UVRAG: variants seen among roughly 807,000 people sequenced by gnomAD.
The protein encoded by UVRAG is UV radiation resistance-associated gene protein.
UVRAG carries 19 observed loss-of-function variants against 78.0 expected under a neutral mutation model. That is an observed-to-expected ratio of 0.24 (90% CI 0.17 to 0.36). UVRAG has a LOEUF of 0.36. UVRAG is among the 10% of genes least tolerant of loss of function. The pLI is 1.00. For missense variants in UVRAG, 740 were observed against 853.8 expected, an observed-to-expected ratio of 0.87 and a Z score of 1.66; for synonymous variants, 323 against 324.6, an observed-to-expected ratio of 1.00 and a Z score of 0.05.
intron 8 of UVRAG, among the ~76,000 whole-genome samples, chr11:76,000,495 C>A (rs1338230835): frequency 2.6e-5 from 4 of 151,910 alleles, no homozygotes; most frequent in African/African-American, 9.7e-5. Flanking sequence ...GTAGTCCTAG[C>A]TACTTGGGAG....
At chr11:75,910,170 A>T (rs73491800) in intron 5 of UVRAG, among the ~76,000 whole-genome samples, 4,880 of 152,334 alleles carry the variant, frequency 0.032, 265 homozygotes, top group African/African-American at 0.11. Flanking sequence ...AGTTATTAGC[A>T]TAAAGTTGTT....
intron 7 of UVRAG, among the ~76,000 whole-genome samples, chr11:75,980,956 C>G (rs1027922371): frequency 6.6e-6 from 1 of 152,116 alleles, no homozygotes; most frequent in African/African-American, 2.4e-5. Context: ...GCTGGGATTA[C>G]AGACCTGGCC....
At chr11:75,911,608 TCTG>T (rs1947740290) in intron 5 of UVRAG, 1 of 194,826 alleles carries the variant, frequency 5.1e-6, no homozygotes, top group Non-Finnish European at 1.1e-5. Context: ...CCAAATCTGC[TCTG>T]CCCCCTCGGG....
chr11:76,111,100 C>T (rs372985406), intron 13 of UVRAG, among the ~76,000 whole-genome samples: 6 of 151,960 alleles, frequency 3.9e-5, no homozygotes, highest in East Asian at 3.9e-4. Flanking sequence ...GCAGTCTACC[C>T]GCCTGAATAT....
At chr11:75,828,805 A>ATATTTTTTT (rs1478310271) in intron 1 of UVRAG, among the ~76,000 whole-genome samples, 1 of 100,276 alleles carries the variant, frequency 1.0e-5, no homozygotes, top group Non-Finnish European at 1.9e-5. Context: ...ATATATATAT[A>ATATTTTTTT]TTTTTTTTTT....
Position 75,895,631 on chromosome 11 carries a change from GT to G in UVRAG, c.507+6741del, listed in dbSNP as rs556320233. Among the ~76,000 whole-genome samples the G allele has an allele frequency of 7.0e-4, 98 of 140,490 alleles. 1 individual carries two copies. Among genetic ancestry groups the G allele is most frequent in the Admixed American group, 7.9e-4 (11 of 14,010 alleles). 92.2% of individuals were successfully genotyped at this position (140,490 alleles called of 152,430 possible). A position where few individuals can be genotyped will look rare whatever the true frequency, so the allele number is the denominator to read the frequency against. ...ATTTGGCATACAAATGTGGCACTCT[GT>G]TTTTTTTTTTTTAAAGGAAAAAAAA... On this transcript the variant is annotated intron_variant, in intron 5 of 14. Transcript: ENST00000356136.
intron 6 of UVRAG, among the ~76,000 whole-genome samples, chr11:75,950,385 G>A (rs1040493890): frequency 3.9e-5 from 6 of 152,124 alleles, no homozygotes; most frequent in Admixed American, 1.3e-4. Flanking sequence ...AGCCTCCCAC[G>A]TAGCTGGGAA....
intron 4 of UVRAG, among the ~76,000 whole-genome samples, chr11:75,880,860 A>G (rs1036230879): frequency 1.1e-4 from 16 of 150,392 alleles, no homozygotes; most frequent in African/African-American, 2.5e-5. Flanking sequence ...TGGCCTCTAC[A>G]GTTCTCTTTT....
At chr11:75,925,556 G>A (rs1216114337) in intron 6 of UVRAG, among the ~76,000 whole-genome samples, 1 of 152,138 alleles carries the variant, frequency 6.6e-6, no homozygotes, top group South Asian at 2.1e-4. Flanking sequence ...TTATATTCTA[G>A]TAGGACAGAT....
intron 9 of UVRAG, among the ~76,000 whole-genome samples, chr11:76,006,223 G>T (rs1591123759): frequency 6.6e-6 from 1 of 152,082 alleles, no homozygotes; most frequent in Non-Finnish European, 1.5e-5. Flanking sequence ...AGAACCGGGG[G>T]CAAAGACCAT....
chr11:75,883,806 C>G (rs1324606554), intron 4 of UVRAG, among the ~76,000 whole-genome samples: 3 of 152,088 alleles, frequency 2.0e-5, no homozygotes, highest in Non-Finnish European at 4.4e-5. Context: ...TATTGAGGTA[C>G]AATTTACATG....
At chr11:75,877,275 T>C (rs1016761942) in intron 3 of UVRAG, among the ~76,000 whole-genome samples, 2 of 152,176 alleles carry the variant, frequency 1.3e-5, no homozygotes, top group African/African-American at 2.4e-5. Context: ...GGCAACCATC[T>C]GATTTCTCAA....
In UVRAG at chr11:76,141,696, T is replaced by G. The variant is rs930740704; in HGVS notation, c.*283T>G. 2 of 415,842 alleles carry G rather than the reference T, an allele frequency of 4.8e-6. No homozygotes were observed. Among genetic ancestry groups the G allele is most frequent in the Non-Finnish European group, 8.7e-6 (2 of 230,866 alleles). The allele number at this position is 415,842 out of a possible 1,614,324, so 25.8% of individuals were successfully genotyped here. Reference sequence around the variant, plus strand: ...CAGCTCGAGTCACCTTTTAGCTATTTGTCTGCTTTTTATTTACCCTTGTAT... The same window carrying G: ...CAGCTCGAGTCACCTTTTAGCTATTGGTCTGCTTTTTATTTACCCTTGTAT... On this transcript the variant is annotated 3_prime_UTR_variant, in exon 15 of 15. Transcript: ENST00000356136.
intron 6 of UVRAG, among the ~76,000 whole-genome samples, chr11:75,928,338 A>C (rs1164742236): frequency 6.6e-6 from 1 of 152,234 alleles, no homozygotes; most frequent in Non-Finnish European, 1.5e-5. Flanking sequence ...TGCTCAAGGC[A>C]TTCCAACATT....
rs1030967964 is a variant in UVRAG, at chr11:75,922,768, C to A, written c.593+10729C>A. 2.6e-5 allele frequency among the ~76,000 whole-genome samples: 4 copies of A among 151,588 alleles called. No individual in the cohort carries two copies. The South Asian group carries it at 8.3e-4, about 32-fold the overall frequency. On this transcript the variant is annotated intron_variant, in intron 6 of 14. Transcript: ENST00000356136. ...TTCAAGACCAGCCTGGCCAACATGG[C>A]GAAACCCCGTCTCTACTAAAAATAC...
intron 6 of UVRAG, among the ~76,000 whole-genome samples, chr11:75,913,091 C>T (rs1198535458): frequency 1.3e-5 from 2 of 152,108 alleles, no homozygotes; most frequent in Non-Finnish European, 2.9e-5. Flanking sequence ...TTGAGACACA[C>T]AAAGTTTTAA....
At chr11:76,085,398 C>G (rs939237416) in intron 13 of UVRAG, among the ~76,000 whole-genome samples, 1 of 152,122 alleles carries the variant, frequency 6.6e-6, no homozygotes, top group African/African-American at 2.4e-5. Context: ...GATCCACAGG[C>G]CAGCAGGCAG....
At chr11:75,985,070 A>T (rs565371970) in intron 8 of UVRAG, among the ~76,000 whole-genome samples, 156 of 151,842 alleles carry the variant, frequency 1.0e-3, no homozygotes, top group African/African-American at 3.5e-3. Flanking sequence ...ATTGTGCCCA[A>T]TGGTTTTCCA....
chr11:75,974,062 A>G (rs1334898857), intron 7 of UVRAG, among the ~76,000 whole-genome samples: 1 of 152,208 alleles, frequency 6.6e-6, no homozygotes, highest in Admixed American at 6.5e-5. Flanking sequence ...TCCTTTGGGT[A>G]TATACCCAGT....
Sources: allele counts gnomAD v4.1 joint callset (sites outside exome capture counted in the v4.1 genomes callset), GRCh38; gene constraint gnomAD v4.1.1; transcripts MANE v1.5; gene names NCBI Gene and HGNC (gene_info 2026-07-23, HGNC 2026-07-21).